The following CNOT1 variants were observed in gnomAD, a reference collection of about 807,000 sequenced individuals.
CNOT1 encodes the protein CCR4-NOT transcription complex subunit 1.
Under a neutral mutation model 273.8 loss-of-function variants are expected in CNOT1, and 15 were observed. The observed-to-expected ratio is 0.05, with a 90% CI of 0.04 to 0.08. CNOT1 has a LOEUF of 0.08. Among genes scored for constraint, CNOT1 ranks in the 10% least tolerant of loss-of-function variants. The pLI, the probability that CNOT1 is intolerant of heterozygous loss-of-function variation, is 1.00. For synonymous variants in CNOT1, 1,022 were observed against 1,005.5 expected (o/e 1.02, Z -0.31); for missense variants, 1,644 against 2,912.2 (o/e 0.56, Z 10.02).
At position 58,549,903 on chromosome 16, in the gene CNOT1, C is replaced by T; in HGVS notation, c.3343-5G>A. ...CGTTTCCTTTAGCTCTTCAACCTAG[C>T]CGGTCAATACGACATGGGAAGCACA... On this transcript the variant is annotated splice_polypyrimidine_tract_variant and splice_region_variant and intron_variant, in intron 24 of 48. Coordinates refer to ENST00000317147, the MANE Select transcript of CNOT1 (RefSeq NM_016284.5). 6.2e-7 allele frequency: 1 copy of T among 1,613,396 alleles called. No individual in the cohort carries two copies. Among genetic ancestry groups the T allele is most frequent in the Non-Finnish European group, 8.5e-7 (1 of 1,179,804 alleles).
chr16:58,546,239 G>A (rs1371103765), intron 29 of CNOT1, 82 bp downstream of exon 29: 1 of 1,205,812 alleles, frequency 8.3e-7, no homozygotes, highest in Non-Finnish European at 1.2e-6. Flanking sequence ...GGAAATTATA[G>A]TTTGCGATAT....
rs35500577 is a variant in CNOT1 at position 58,560,255 on chromosome 16, C to T, written c.2087G>A (p.Arg696His). 32 of 1,614,084 alleles carry T rather than the reference C, an allele frequency of 2.0e-5. No homozygotes were observed. Among genetic ancestry groups the T allele is most frequent in the Admixed American group, 1.7e-4 (10 of 60,000 alleles). ...QPPPGVMPKG[R>H]PPSASSLDAI... is the part of the protein sequence containing the mutation. ...ATCTAAGCTGCTAGCACTAGGAGGA[C>T]GTCCTTTTGGCATAACTCCAGGTGG... Residue 696 changes from arginine to histidine, a missense_variant, in exon 17 of 49, where the codon CGT becomes CAT. Around this residue, in one of 13 missense-constraint regions of CNOT1, gnomAD observed 706 missense variants for 1,021.2 expected, o/e 0.69. Transcript: ENST00000317147.
intron 44 of CNOT1, among the ~76,000 whole-genome samples, chr16:58,527,224 A>C (rs1037440339): frequency 6.6e-6 from 1 of 152,078 alleles, no homozygotes; most frequent in Non-Finnish European, 1.5e-5. Flanking sequence ...GGTCAATAAA[A>C]AATAATACAA....
At chr16:58,600,615 T>A (rs1444297351) in intron 1 of CNOT1, among the ~76,000 whole-genome samples, 1 of 152,162 alleles carries the variant, frequency 6.6e-6, no homozygotes, top group Admixed American at 6.6e-5. Flanking sequence ...TTGGGATGTA[T>A]GTTTTAGGTA....
intron 6 of CNOT1, 113 bp downstream of exon 6, chr16:58,587,088 G>C: frequency 7.2e-7 from 1 of 1,392,336 alleles, no homozygotes; most frequent in Non-Finnish European, 9.7e-7. Flanking sequence ...CAGATAAAGA[G>C]AAATTAATTT....
Position 58,539,841 on chromosome 16 carries a change from C to T in CNOT1, c.4919G>A (p.Arg1640Gln), listed in dbSNP as rs181822641. 3.6e-5 allele frequency: 58 copies of T among 1,614,094 alleles called. No individual in the cohort carries two copies. The highest frequency in any genetic ancestry group is 8.9e-5 in the East Asian group (4 of 44,868). The change falls in exon 35 of 49, where the codon CGA becomes CAA. Residue 1640 changes from arginine (R) to glutamine (Q), a missense_variant. Arg to Gln is a conservative substitution (Grantham distance 43). Around this residue, in one of 13 missense-constraint regions of CNOT1, gnomAD observed 170 missense variants for 273.1 expected, o/e 0.62. Transcript: ENST00000317147. ...TAAAACTACAACCTCCAAGAGACTT[C>T]GAAGAGCCTGAGCTTGAGGGTTCAT... The part of the protein sequence containing the change: ...LAMNPQAQAL[R>Q]SLLEVVVLSR...
intron 33 of CNOT1, among the ~76,000 whole-genome samples, chr16:58,541,850 T>C (rs1436207485): frequency 1.3e-5 from 2 of 152,248 alleles, no homozygotes; most frequent in Non-Finnish European, 2.9e-5. Flanking sequence ...AGAGTTTCTC[T>C]TGGAAAATGC....
chr16:58,627,790 GA>G (rs2043647225), intron 1 of CNOT1, among the ~76,000 whole-genome samples: 1 of 152,122 alleles, frequency 6.6e-6, no homozygotes, highest in South Asian at 2.1e-4. Flanking sequence ...GTAAGAAAAG[GA>G]AATATTTTCA....
At chr16:58,534,533 G>T (rs1488881898) in intron 39 of CNOT1, 138 bp from the exon 40 acceptor site, 4 of 1,040,020 alleles carry the variant, frequency 3.8e-6, no homozygotes, top group Non-Finnish European at 4.0e-6. Flanking sequence ...TGTAATAAAT[G>T]TATTATCAGA....
intron 34 of CNOT1, among the ~76,000 whole-genome samples, chr16:58,540,832 G>A (rs1309364450): frequency 3.3e-5 from 5 of 152,158 alleles, no homozygotes; most frequent in South Asian, 2.1e-4. Context: ...ACTATCGACC[G>A]GTTCGGGGGA....
At chr16:58,540,672 G>A (rs13334005) in intron 34 of CNOT1, among the ~76,000 whole-genome samples, 3,489 of 152,248 alleles carry the variant, frequency 0.023, 120 homozygotes, top group African/African-American at 0.079. Flanking sequence ...GATGGAGTAA[G>A]GTTATTAGTA....
Position 58,583,155 on chromosome 16 carries a change from C to T in CNOT1, c.834G>A (p.Val278=), listed in dbSNP as rs1389577803. Reference sequence around the variant, plus strand: ...CTGTGACCTCCCGAACACCAAACTGCACGATTATATTGCGACATTCTTCAA... The same window carrying T: ...CTGTGACCTCCCGAACACCAAACTGTACGATTATATTGCGACATTCTTCAA... ...ASIEECRNII[V]QFGVREVTAA... Residue 278 remains valine (V), a synonymous_variant, in exon 9 of 49, where the codon GTG becomes GTA. Coordinates refer to ENST00000317147, the MANE Select transcript of CNOT1 (RefSeq NM_016284.5). 1 of 1,613,956 alleles carries T rather than the reference C, an allele frequency of 6.2e-7. No individual in the cohort carries two copies. The highest frequency in any genetic ancestry group is 8.5e-7 in the Non-Finnish European group (1 of 1,180,010).
At chr16:58,580,579 A>C (rs2041623617) in intron 12 of CNOT1, 54 bp downstream of exon 12, 1 of 1,575,970 alleles carries the variant, frequency 6.3e-7, no homozygotes, top group African/African-American at 1.4e-5. Context: ...TTAACTTTAT[A>C]TTTCACAAAA....
chr16:58,521,558 C>T (rs1371822809), intron 47 of CNOT1, among the ~76,000 whole-genome samples: 1 of 152,110 alleles, frequency 6.6e-6, no homozygotes, highest in East Asian at 1.9e-4. Flanking sequence ...ATGGTATCTA[C>T]CTCACAGCTG....
At chr16:58,559,806 T>C (rs759667677) in intron 17 of CNOT1, 2 of 519,584 alleles carry the variant, frequency 3.8e-6, no homozygotes, top group Non-Finnish European at 7.7e-6. Context: ...AAATGTACCT[T>C]GTTTTTAAAA....
At chr16:58,543,199 A>T in intron 31 of CNOT1, 2 of 1,497,588 alleles carry the variant, frequency 1.3e-6, no homozygotes, top group South Asian at 2.5e-5. Flanking sequence ...TCTGAGACTC[A>T]AAACTAGTAA....
chr16:58,543,481 C>G (rs531614098), intron 31 of CNOT1, 126 bp downstream of exon 31: 1 of 1,518,688 alleles, frequency 6.6e-7, no homozygotes, highest in African/African-American at 1.4e-5. Context: ...TGGAAGACAT[C>G]AAACAAATAT....
chr16:58,613,337 G>C (rs558771468), intron 1 of CNOT1, among the ~76,000 whole-genome samples: 1 of 126,820 alleles, frequency 7.9e-6, no homozygotes, highest in Non-Finnish European at 1.9e-5. Flanking sequence ...TGGCTTAGAG[G>C]TTAAGTCTAA....
chr16:58,589,382 G>A (rs2041976676), intron 2 of CNOT1, among the ~76,000 whole-genome samples: 1 of 152,084 alleles, frequency 6.6e-6, no homozygotes, highest in African/African-American at 2.4e-5. Flanking sequence ...GCATGGTGAT[G>A]GGTGCCTGTA....
Sources: allele counts gnomAD v4.1 joint callset (sites outside exome capture counted in the v4.1 genomes callset), GRCh38; gene constraint gnomAD v4.1.1; regional missense constraint gnomAD v4.1.1; transcripts MANE v1.5; gene names NCBI Gene and HGNC (gene_info 2026-07-23, HGNC 2026-07-21).